ZBTB16: variants seen among roughly 807,000 people sequenced by gnomAD.
The protein encoded by ZBTB16 is zinc finger and BTB domain-containing protein 16.
Under a neutral mutation model 56.8 loss-of-function variants are expected in ZBTB16, and 8 were observed. The observed-to-expected ratio is 0.14, with a 90% CI of 0.08 to 0.25. The LOEUF is 0.25. Ranked by LOEUF, ZBTB16 falls within the 10% of genes least tolerant of loss-of-function variation. The pLI is 1.00. For missense variants in ZBTB16, 625 were observed against 903.0 expected (o/e 0.69, Z 3.95); for synonymous variants, 363 against 368.5 (o/e 0.98, Z 0.17).
At chr11:114,248,958 G>A (rs897841465) in intron 6 of ZBTB16, among the ~76,000 whole-genome samples, 1 of 152,122 alleles carries the variant, frequency 6.6e-6, no homozygotes, top group Admixed American at 6.5e-5. Context: ...TATTGATAGC[G>A]AGATGGCTGG....
Position 114,242,641 on chromosome 11 carries a change from G to A in ZBTB16, c.1624+304G>A, listed in dbSNP as rs1944733817. On this transcript the variant is annotated intron_variant, in intron 5 of 6. Coordinates refer to ENST00000335953, the MANE Select transcript of ZBTB16 (RefSeq NM_006006.6). ...GGTCCAGGGTGGGGTCCCAGATTCA[G>A]CATTATTAATATGTATTCCCAAGGG... 2.6e-5 allele frequency among the ~76,000 whole-genome samples: 4 copies of A among 152,290 alleles called. No homozygotes were observed. In the South Asian group the frequency reaches 8.3e-4, roughly 32 times the overall value.
chr11:114,133,716 G>C (rs575890908), intron 2 of ZBTB16, among the ~76,000 whole-genome samples: 12 of 152,262 alleles, frequency 7.9e-5, no homozygotes, highest in Non-Finnish European at 1.5e-4. Context: ...TGGGTCTCCT[G>C]GCAGGTCAGC....
At chr11:114,196,391 A>G (rs189950822) in intron 4 of ZBTB16, among the ~76,000 whole-genome samples, 1 of 44,392 alleles carries the variant, frequency 2.3e-5, no homozygotes, top group Admixed American at 1.9e-4. Context: ...TTCGCCAGTA[A>G]GAAAAAAGAG....
chr11:114,221,163 G>A (rs530658424), intron 4 of ZBTB16, among the ~76,000 whole-genome samples: 1 of 152,278 alleles, frequency 6.6e-6, no homozygotes, highest in South Asian at 2.1e-4. Flanking sequence ...TAGGAAGGAG[G>A]GTAGGGAAGA....
chr11:114,101,660 G>T (rs1465914570), intron 2 of ZBTB16, among the ~76,000 whole-genome samples: 1 of 152,158 alleles, frequency 6.6e-6, no homozygotes, highest in Non-Finnish European at 1.5e-5. Flanking sequence ...CCTGTGAATT[G>T]GGGACGATAT....
At chr11:114,110,175 C>T (rs1208955624) in intron 2 of ZBTB16, among the ~76,000 whole-genome samples, 1 of 152,080 alleles carries the variant, frequency 6.6e-6, no homozygotes, top group African/African-American at 2.4e-5. Context: ...CGAACCCTTT[C>T]CACTGTGCCC....
intron 2 of ZBTB16, among the ~76,000 whole-genome samples, chr11:114,067,711 A>G (rs1436600029): frequency 6.6e-6 from 1 of 152,118 alleles, no homozygotes; most frequent in Non-Finnish European, 1.5e-5. Flanking sequence ...TGGGCCGAGA[A>G]TGTGCTTTTG....
intron 4 of ZBTB16, among the ~76,000 whole-genome samples, chr11:114,197,820 T>G (rs1006321531): frequency 6.6e-6 from 1 of 152,058 alleles, no homozygotes; most frequent in East Asian, 1.9e-4. Flanking sequence ...GCTCCTTCCC[T>G]CAGGATAGCT....
At chr11:114,205,089 A>G (rs1478217312) in intron 4 of ZBTB16, among the ~76,000 whole-genome samples, 3 of 152,222 alleles carry the variant, frequency 2.0e-5, no homozygotes, top group Non-Finnish European at 4.4e-5. Context: ...ATGAGCCCCA[A>G]CCAGGCATTA....
At chr11:114,083,378 C>T (rs1039022316) in intron 2 of ZBTB16, among the ~76,000 whole-genome samples, 4 of 152,232 alleles carry the variant, frequency 2.6e-5, no homozygotes, top group Non-Finnish European at 5.9e-5. Flanking sequence ...CCACTGGCCA[C>T]TGGAGGCTAG....
chr11:114,168,043 CCTT>C (rs1438099407), intron 3 of ZBTB16, among the ~76,000 whole-genome samples: 3 of 152,238 alleles, frequency 2.0e-5, no homozygotes, highest in East Asian at 3.8e-4. Context: ...GCACCTGTCA[CCTT>C]CTTTGTTACA....
At chr11:114,210,679 A>G (rs1943981606) in intron 4 of ZBTB16, 1 of 76,766 alleles carries the variant, frequency 1.3e-5, no homozygotes, top group Non-Finnish European at 2.3e-5. Context: ...GAATCTTGGT[A>G]AACTTCCCAG....
chr11:114,149,372 C>G (rs951212033), intron 2 of ZBTB16, among the ~76,000 whole-genome samples: 3 of 152,084 alleles, frequency 2.0e-5, no homozygotes, highest in Non-Finnish European at 4.4e-5. Flanking sequence ...TCTCTCTCTC[C>G]CTTTAAACGG....
At chr11:114,142,289 C>G (rs558792737) in intron 2 of ZBTB16, among the ~76,000 whole-genome samples, 8 of 152,204 alleles carry the variant, frequency 5.3e-5, no homozygotes, top group East Asian at 1.9e-4. Flanking sequence ...CTTCCCACCC[C>G]CTTCCCCAGT....
rs969096574 is a variant in ZBTB16, at chr11:114,079,460, A to G, written c.1268+14892A>G. ...AATAATAGGTGAATAATGTTAGTAC[A>G]TTGTGAATATAAAAGTTTCCATTTG... On this transcript the variant is annotated intron_variant, in intron 2 of 6. Transcript: ENST00000335953. 7.9e-5 allele frequency among the ~76,000 whole-genome samples: 12 copies of G among 152,346 alleles called. No individual in the cohort carries two copies. In the East Asian group the frequency reaches 2.1e-3, roughly 27 times the overall value.
In ZBTB16 at chr11:114,131,131, A is replaced by G. The variant is rs150326820; in HGVS notation, c.1269-25206A>G. Among the ~76,000 whole-genome samples the G allele has an allele frequency of 1.1e-4, 16 of 152,320 alleles. No homozygotes were observed. In the East Asian group the frequency reaches 2.9e-3, roughly 28 times the overall value. On this transcript the variant is annotated intron_variant, in intron 2 of 6. Transcript: ENST00000335953. ...GTTTACCCTTTGATGGTGGTTCTCA[A>G]TGGGGGACAATTTCGTCCTCCAGGG...
intron 2 of ZBTB16, among the ~76,000 whole-genome samples, chr11:114,072,146 A>G (rs1405809288): frequency 6.6e-6 from 1 of 152,256 alleles, no homozygotes; most frequent in African/African-American, 2.4e-5. Flanking sequence ...ATGTTGGTCC[A>G]GATCCTGCTT....
intron 2 of ZBTB16, among the ~76,000 whole-genome samples, chr11:114,104,615 G>A (rs77102053): frequency 0.01 from 1,586 of 152,278 alleles, 29 homozygotes; most frequent in African/African-American, 0.037. Context: ...TTCAGTGAAG[G>A]GATGGACCTG....
chr11:114,143,749 G>T lies in ZBTB16; in HGVS notation c.1269-12588G>T, dbSNP rs1942024633. Among the ~76,000 whole-genome samples the T allele has an allele frequency of 6.6e-6, 1 of 152,204 alleles. No individual in the cohort carries two copies. Among genetic ancestry groups the T allele is most frequent in the Non-Finnish European group, 1.5e-5 (1 of 68,038 alleles). The stretch of plus-strand genomic sequence containing the variant: ...ATCTAAGCACAGGGCACCCAGGCGG[G>T]TAGCACAGGTGGCTTAGCAAATGCA... On this transcript the variant is annotated intron_variant, in intron 2 of 6. Transcript: ENST00000335953. This position sits in a 1 kb window ranked among gnomAD's most constrained non-coding sequence, Gnocchi z 6.4.
Sources: gnomAD v4.1 joint callset for allele counts (sites outside exome capture counted in the v4.1 genomes callset) on GRCh38, gnomAD v4.1.1 for gene constraint, Gnocchi (gnomAD v3.1) non-coding constraint, MANE v1.5 for transcripts, NCBI Gene and HGNC (gene_info 2026-07-23, HGNC 2026-07-21) for gene names.